PKNOX2: variants seen among roughly 807,000 people sequenced by gnomAD.
The protein encoded by PKNOX2 is PBX/knotted 1 homeobox 2, also known as homeobox protein PKNOX2.
PKNOX2 carries 14 observed loss-of-function variants against 53.1 expected under a neutral mutation model. That is an observed-to-expected ratio of 0.26 (90% CI 0.17 to 0.41). PKNOX2 has a LOEUF of 0.41. Ranked by LOEUF, PKNOX2 falls within the 10% of genes least tolerant of loss-of-function variation. PKNOX2 has a pLI of 1.00. For missense variants in PKNOX2, 496 were observed against 602.8 expected (o/e 0.82, Z 1.85); for synonymous variants, 257 against 242.8 (o/e 1.06, Z -0.54).
chr11:125,280,870 G>A (rs907492506), intron 2 of PKNOX2, among the ~76,000 whole-genome samples: 2 of 152,216 alleles, frequency 1.3e-5, no homozygotes, highest in African/African-American at 4.8e-5. Flanking sequence ...TGTATAAGGA[G>A]TATGTCTGCC....
intron 1 of PKNOX2, among the ~76,000 whole-genome samples, chr11:125,227,627 C>T (rs1423663526): frequency 6.6e-6 from 1 of 152,198 alleles, no homozygotes; most frequent in Non-Finnish European, 1.5e-5. Flanking sequence ...TCTGTCCACT[C>T]ATCTGTTGAT....
chr11:125,189,414 T>C (rs1956669851), intron 1 of PKNOX2, among the ~76,000 whole-genome samples: 1 of 57,654 alleles, frequency 1.7e-5, no homozygotes, highest in African/African-American at 6.3e-5. Flanking sequence ...TATATATATA[T>C]GTGTGTGTGT....
chr11:125,410,248 A>G lies in PKNOX2; in HGVS notation c.641A>G (p.Gln214Arg), dbSNP rs767713518. The change falls in exon 8 of 13, where the codon CAG becomes CGG. Residue 214 changes from glutamine to arginine, a missense_variant. Physicochemically the swap from Gln to Arg is conservative, Grantham distance 43. Coordinates refer to ENST00000298282, the MANE Select transcript of PKNOX2 (RefSeq NM_001382323.2). ...NSMSGVSNNP[Q>R]GIVVPASALQ... is the part of the protein sequence containing the mutation. Reference sequence around the variant, plus strand: ...ATGTCCGGAGTCTCCAATAACCCCCAGGGGATTGTGGTCCCAGCCTCAGCG... The same window carrying G: ...ATGTCCGGAGTCTCCAATAACCCCCGGGGGATTGTGGTCCCAGCCTCAGCG... 24 of 1,613,930 alleles carry G rather than the reference A, an allele frequency of 1.5e-5. No individual in the cohort carries two copies. The highest frequency in any genetic ancestry group is 6.6e-5 in the South Asian group (6 of 91,072).
chr11:125,258,883 G>A (rs1228209319), intron 2 of PKNOX2: 1 of 394,082 alleles, frequency 2.5e-6, no homozygotes, highest in South Asian at 1.8e-5. Context: ...CTCGGGGCCA[G>A]AGGAGCTCCT....
intron 1 of PKNOX2, among the ~76,000 whole-genome samples, chr11:125,189,717 A>G (rs1956752876): frequency 6.6e-6 from 1 of 151,144 alleles, no homozygotes. Context: ...CTTTCTCTGC[A>G]CTCTATGCCA....
At chr11:125,213,527 G>A (rs1386110342) in intron 1 of PKNOX2, among the ~76,000 whole-genome samples, 1 of 152,006 alleles carries the variant, frequency 6.6e-6, no homozygotes, top group Admixed American at 6.6e-5. Context: ...GCACAATCAG[G>A]GCTCACTGAA....
chr11:125,311,701 G>A (rs1948819862), intron 2 of PKNOX2, among the ~76,000 whole-genome samples: 1 of 152,112 alleles, frequency 6.6e-6, no homozygotes, highest in Non-Finnish European at 1.5e-5. Flanking sequence ...AGTGGACTAG[G>A]GGTAGAACGT....
chr11:125,219,384 G>C (rs1221847320), intron 1 of PKNOX2, among the ~76,000 whole-genome samples: 1 of 151,710 alleles, frequency 6.6e-6, no homozygotes, highest in Non-Finnish European at 1.5e-5. Flanking sequence ...GTTGCAGTGA[G>C]CCAAGATCAC....
intron 2 of PKNOX2, among the ~76,000 whole-genome samples, chr11:125,295,110 G>A (rs931924126): frequency 1.3e-5 from 2 of 152,148 alleles, no homozygotes; most frequent in Admixed American, 6.5e-5. Flanking sequence ...ACATTCAGCC[G>A]TGGGACATAA....
intron 1 of PKNOX2, among the ~76,000 whole-genome samples, chr11:125,205,910 A>G (rs1230248634): frequency 6.6e-6 from 1 of 152,176 alleles, no homozygotes. Flanking sequence ...GAAGATTACA[A>G]TGCAGGAGAC....
chr11:125,370,981 C>A lies in PKNOX2; in HGVS notation c.227+2996C>A, dbSNP rs76719455. ...GCCCCTCCCTGCCTAGGACACTGCTCGGTGGCAGAGGGGCAGTGTGACAAA... is the reference window on the plus strand; with the variant it reads ...GCCCCTCCCTGCCTAGGACACTGCTAGGTGGCAGAGGGGCAGTGTGACAAA... On this transcript the variant is annotated intron_variant, in intron 5 of 12. Transcript: ENST00000298282. This position sits in a 1 kb window ranked among gnomAD's most constrained non-coding sequence, Gnocchi z 4.1. Among the ~76,000 whole-genome samples the A allele has an allele frequency of 2.6e-5, 4 of 152,128 alleles. No homozygotes were observed. The highest frequency in any genetic ancestry group is 2.6e-4 in the Admixed American group (4 of 15,280).
chr11:125,333,672 T>G (rs1950270423), intron 3 of PKNOX2, among the ~76,000 whole-genome samples: 1 of 152,188 alleles, frequency 6.6e-6, no homozygotes, highest in Admixed American at 6.5e-5. Context: ...TGGGTGCAAC[T>G]GGCAAGGACA....
chr11:125,430,974 G>C (rs1956674121), intron 12 of PKNOX2, among the ~76,000 whole-genome samples, 192 bp from the exon 13 acceptor site: 1 of 152,192 alleles, frequency 6.6e-6, no homozygotes, highest in Non-Finnish European at 1.5e-5. Flanking sequence ...TCCTGAGATG[G>C]GGCAGGGAGT....
rs973176632 is a variant in PKNOX2 at position 125,382,084 on chromosome 11, AAC to A, written c.228-3462_228-3461del. Among the ~76,000 whole-genome samples, 57 of 152,332 alleles carry A rather than the reference AAC, an allele frequency of 3.7e-4. 1 individual carries two copies. The highest frequency in any genetic ancestry group is 1.3e-3 in the African/African-American group (55 of 41,570). ...CATGCCACTCACACTGTGTACACAG[AAC>A]ACACCATCCCTGTACACATACACAC... On this transcript the variant is annotated intron_variant, in intron 5 of 12. Transcript: ENST00000298282.
intron 4 of PKNOX2, among the ~76,000 whole-genome samples, chr11:125,364,922 T>C (rs1286124243): frequency 5.3e-5 from 8 of 151,962 alleles, no homozygotes; most frequent in African/African-American, 1.7e-4. Context: ...GCCCAGCTGG[T>C]CAGTCCGACT....
At chr11:125,417,548 T>C (rs1303963959) in intron 10 of PKNOX2, among the ~76,000 whole-genome samples, 1 of 151,964 alleles carries the variant, frequency 6.6e-6, no homozygotes, top group East Asian at 1.9e-4. Flanking sequence ...GCAACACATT[T>C]CTCAAGGTCA....
Position 125,217,977 on chromosome 11 carries a change from C to T in PKNOX2, c.-200-17068C>T, listed in dbSNP as rs558398962. Among the ~76,000 whole-genome samples the T allele has an allele frequency of 9.9e-5, 15 of 152,224 alleles. No homozygotes were observed. The South Asian group carries it at 1.5e-3, about 15-fold the overall frequency. ...GATGATTTGCTGTAGCGCTGGGGACCCTGGCATGAGCCCATGCAGAGACAG... is the reference window on the plus strand; with the variant it reads ...GATGATTTGCTGTAGCGCTGGGGACTCTGGCATGAGCCCATGCAGAGACAG... On this transcript the variant is annotated intron_variant, in intron 1 of 12. Transcript: ENST00000298282.
intron 10 of PKNOX2, among the ~76,000 whole-genome samples, chr11:125,417,512 A>G (rs959531470): frequency 3.3e-5 from 5 of 152,032 alleles, no homozygotes; most frequent in African/African-American, 9.7e-5. Context: ...TCATTTTACC[A>G]GTGACAAAAC....
chr11:125,188,725 G>C (rs1384353395), intron 1 of PKNOX2, among the ~76,000 whole-genome samples: 2 of 152,138 alleles, frequency 1.3e-5, no homozygotes, highest in African/African-American at 4.8e-5. Context: ...GCAGCCACAG[G>C]TACTTGGATA....
Sources: allele counts gnomAD v4.1 joint callset (sites outside exome capture counted in the v4.1 genomes callset), GRCh38; gene constraint gnomAD v4.1.1; non-coding constraint Gnocchi (gnomAD v3.1); transcripts MANE v1.5; gene names NCBI Gene and HGNC (gene_info 2026-07-23, HGNC 2026-07-21).